CUL2: variants seen among roughly 807,000 people sequenced by gnomAD.
CUL2 encodes cullin-2.
CUL2 carries 22 observed loss-of-function variants against 110.2 expected under a neutral mutation model. That is an observed-to-expected ratio of 0.20 (90% CI 0.14 to 0.28). The LOEUF (loss-of-function observed/expected upper bound fraction) is 0.28. Among genes scored for constraint, CUL2 ranks in the 10% least tolerant of loss-of-function variants. The pLI, the probability that CUL2 is intolerant of heterozygous loss-of-function variation, is 1.00. For missense variants in CUL2, 631 were observed against 905.5 expected, an observed-to-expected ratio of 0.70 and a Z score of 3.89; for synonymous variants, 279 against 293.2, an observed-to-expected ratio of 0.95 and a Z score of 0.49.
chr10:35,026,818 CTTATT>C (rs925149646), intron 16 of CUL2, among the ~76,000 whole-genome samples: 44 of 151,896 alleles, frequency 2.9e-4, no homozygotes, highest in African/African-American at 1.0e-3. Context: ...GTTGACTAAA[CTTATT>C]TTATTTTTTT....
At chr10:35,100,590 C>T (rs915238097) in intron 2 of CUL2, among the ~76,000 whole-genome samples, 2 of 151,918 alleles carry the variant, frequency 1.3e-5, no homozygotes, top group East Asian at 1.9e-4. Flanking sequence ...GGCGAAACCT[C>T]GTCTCTACTA....
intron 1 of CUL2, among the ~76,000 whole-genome samples, chr10:35,125,641 A>T (rs2087759693): frequency 6.6e-6 from 1 of 152,256 alleles, no homozygotes; most frequent in Admixed American, 6.5e-5. Flanking sequence ...TCAGTGAAAC[A>T]ACGTACAATG....
chr10:35,088,951 G>A (rs1278174479), intron 1 of CUL2, among the ~76,000 whole-genome samples: 2 of 152,170 alleles, frequency 1.3e-5, no homozygotes, highest in African/African-American at 4.8e-5. Flanking sequence ...CTAAGCAGGC[G>A]AATCACCTGA....
At chr10:35,042,963 G>A (rs2134791526) in intron 8 of CUL2, among the ~76,000 whole-genome samples, 1 of 152,094 alleles carries the variant, frequency 6.6e-6, no homozygotes, top group East Asian at 1.9e-4. Flanking sequence ...AGTAGATGGT[G>A]TTAGAGTTGA....
chr10:35,070,454 C>T (rs985842649), intron 2 of CUL2, among the ~76,000 whole-genome samples: 1 of 152,102 alleles, frequency 6.6e-6, no homozygotes, highest in African/African-American at 2.4e-5. Flanking sequence ...GAATGTACGC[C>T]CCATATAATG....
At chr10:35,024,728 T>C (rs114419125) in intron 17 of CUL2, among the ~76,000 whole-genome samples, 288 of 152,328 alleles carry the variant, frequency 1.9e-3, no homozygotes, top group African/African-American at 6.6e-3. Flanking sequence ...TTCACTGCAG[T>C]ATCACAAGTA....
At chr10:35,055,936 A>C (rs1018712280) in intron 4 of CUL2, among the ~76,000 whole-genome samples, 5 of 152,192 alleles carry the variant, frequency 3.3e-5, no homozygotes, top group African/African-American at 4.8e-5. Flanking sequence ...GAGGGTAGTC[A>C]GTCCCCTTTC....
chr10:35,026,607 T>C (rs2085340589), intron 16 of CUL2, among the ~76,000 whole-genome samples: 1 of 152,160 alleles, frequency 6.6e-6, no homozygotes, highest in African/African-American at 2.4e-5. Flanking sequence ...ATAATATCAA[T>C]ATGCCAAAAG....
At chr10:35,044,938 C>A in intron 6 of CUL2, 70 bp from the exon 7 acceptor site, 1 of 1,071,130 alleles carries the variant, frequency 9.3e-7, no homozygotes, top group Admixed American at 1.9e-5. Flanking sequence ...CCAAAATATG[C>A]CAAAATATGG....
chr10:35,092,251 T>C (rs951695224), upstream of CUL2, among the ~76,000 whole-genome samples: 2 of 152,228 alleles, frequency 1.3e-5, no homozygotes, highest in African/African-American at 4.8e-5. Context: ...CCACCATGCC[T>C]GGCCTCCTCT....
At chr10:35,079,655 A>C (rs1013597045) in intron 1 of CUL2, 4 of 154,538 alleles carry the variant, frequency 2.6e-5, no homozygotes, top group African/African-American at 9.6e-5. Flanking sequence ...AATTGTGAAG[A>C]AAAAGAAATT....
At position 35,076,864 on chromosome 10, in the gene CUL2, C is replaced by G. The variant is rs187217307; in HGVS notation, c.-22-5525G>C. 6.4e-4 allele frequency among the ~76,000 whole-genome samples: 98 copies of G among 152,186 alleles called. 1 individual carries two copies. Among genetic ancestry groups the G allele is most frequent in the Middle Eastern group, 6.8e-3 (2 of 294 alleles). ...CAGGAGTTCGAGATCAGCTGGCTGACATGGTGAAACCCCATCTCTACTAAA... is the reference window on the plus strand; with the variant it reads ...CAGGAGTTCGAGATCAGCTGGCTGAGATGGTGAAACCCCATCTCTACTAAA... On this transcript the variant is annotated intron_variant, in intron 1 of 20. Coordinates refer to ENST00000374749, the MANE Select transcript of CUL2 (RefSeq NM_003591.4).
At chr10:35,105,111 G>A (rs1221696132) in intron 1 of CUL2, among the ~76,000 whole-genome samples, 1 of 151,758 alleles carries the variant, frequency 6.6e-6, no homozygotes, top group Non-Finnish European at 1.5e-5. Context: ...GAATGTGATG[G>A]CTTGGATTTA....
chr10:35,060,796 C>A, intron 4 of CUL2, 78 bp downstream of exon 4: 2 of 1,108,818 alleles, frequency 1.8e-6, no homozygotes, highest in Non-Finnish European at 2.7e-6. Flanking sequence ...GAGAAATAGG[C>A]AATAAAAAAA....
intron 1 of CUL2, among the ~76,000 whole-genome samples, chr10:35,077,427 G>A (rs966384751): frequency 2.0e-5 from 3 of 151,376 alleles, no homozygotes; most frequent in African/African-American, 4.9e-5. Flanking sequence ...AACCTGAGAG[G>A]TGGAGGTTGT....
chr10:35,068,089 G>A (rs942114772), intron 2 of CUL2, among the ~76,000 whole-genome samples: 7 of 140,116 alleles, frequency 5.0e-5, no homozygotes, highest in African/African-American at 1.3e-4. Context: ...TAGCCTGGGC[G>A]ACAGAGCGAG....
intron 1 of CUL2, among the ~76,000 whole-genome samples, chr10:35,124,886 A>C (rs1025477667): frequency 6.6e-6 from 1 of 152,204 alleles, no homozygotes; most frequent in Non-Finnish European, 1.5e-5. Flanking sequence ...TAAGGGTGTG[A>C]CTGACAGCCC....
chr10:35,084,259 G>A (rs539868948), intron 1 of CUL2, among the ~76,000 whole-genome samples: 18 of 152,150 alleles, frequency 1.2e-4, no homozygotes, highest in Non-Finnish European at 8.8e-5. Flanking sequence ...CTTGGGTGAC[G>A]AGTGAAACTC....
chr10:35,124,552 G>A (rs2135154188), intron 1 of CUL2, among the ~76,000 whole-genome samples: 1 of 152,310 alleles, frequency 6.6e-6, no homozygotes, highest in Admixed American at 6.5e-5. Context: ...CTGAAGGTGA[G>A]GGGATGGCAA....
Sources: allele counts gnomAD v4.1 joint callset (sites outside exome capture counted in the v4.1 genomes callset), GRCh38; gene constraint gnomAD v4.1.1; transcripts MANE v1.5; gene names NCBI Gene and HGNC (gene_info 2026-07-23, HGNC 2026-07-21).